The following HTR7 variants were observed in gnomAD, a reference collection of about 807,000 sequenced individuals.
The protein encoded by HTR7 is 5-hydroxytryptamine receptor 7.
Under a neutral mutation model 34.0 loss-of-function variants are expected in HTR7, and 16 were observed. The observed-to-expected ratio is 0.47, with a 90% CI of 0.32 to 0.71. HTR7 has a LOEUF of 0.71. HTR7 is among the 30% of genes least tolerant of loss of function. HTR7 has a pLI of 0.04. For synonymous variants in HTR7, 265 were observed against 260.2 expected, an observed-to-expected ratio of 1.02 and a Z score of -0.18; for missense variants, 504 against 625.5, an observed-to-expected ratio of 0.81 and a Z score of 2.07.
chr10:90,806,556 G>A (rs1034684055), intron 1 of HTR7, among the ~76,000 whole-genome samples: 9 of 151,988 alleles, frequency 5.9e-5, no homozygotes, highest in South Asian at 4.2e-4. Flanking sequence ...CCGAGATCAC[G>A]CCTCTGCACT....
chr10:90,807,690 T>C (rs987568281), intron 1 of HTR7, among the ~76,000 whole-genome samples: 1 of 152,246 alleles, frequency 6.6e-6, no homozygotes, highest in Non-Finnish European at 1.5e-5. Context: ...AAAGCTGTAT[T>C]GCTCACACAA....
At chr10:90,746,420 T>C (rs1844636353) in intron 2 of HTR7, among the ~76,000 whole-genome samples, 1 of 152,208 alleles carries the variant, frequency 6.6e-6, no homozygotes, top group Non-Finnish European at 1.5e-5. Context: ...GTTTCCTTGC[T>C]CATGACTTTA....
chr10:90,843,654 A>G (rs909624775), intron 1 of HTR7, among the ~76,000 whole-genome samples: 2 of 151,296 alleles, frequency 1.3e-5, no homozygotes, highest in Admixed American at 6.6e-5. Flanking sequence ...AGTTGGTGGT[A>G]GGTAGGAAGA....
intron 1 of HTR7, among the ~76,000 whole-genome samples, chr10:90,838,594 T>A (rs531796211): frequency 6.6e-6 from 1 of 152,360 alleles, no homozygotes; most frequent in Non-Finnish European, 1.5e-5. Context: ...TCTGCCGCAC[T>A]TAGAATAAAG....
intron 1 of HTR7, among the ~76,000 whole-genome samples, chr10:90,829,587 CACTGTT>C (rs1564696506): frequency 6.6e-6 from 1 of 152,186 alleles, no homozygotes; most frequent in East Asian, 1.9e-4. Context: ...CACTTTTTGC[CACTGTT>C]ATTCAACACA....
At chr10:90,814,787 TAGTTCCCCAGCA>T (rs1845873130) in intron 1 of HTR7, among the ~76,000 whole-genome samples, 1 of 152,222 alleles carries the variant, frequency 6.6e-6, no homozygotes. Flanking sequence ...GGGATTTTGC[TAGTTCCCCAGCA>T]TTAAAGGGCC....
chr10:90,823,548 G>A (rs893745015), intron 1 of HTR7, among the ~76,000 whole-genome samples: 1 of 152,190 alleles, frequency 6.6e-6, no homozygotes, highest in Non-Finnish European at 1.5e-5. Context: ...TGTTTCACAT[G>A]AGACTTTGGA....
intron 2 of HTR7, chr10:90,743,901 C>T (rs1234460332): frequency 2.9e-6 from 2 of 688,964 alleles, no homozygotes; most frequent in Non-Finnish European, 5.4e-6. Context: ...TTCATTACCC[C>T]AGGGAAAATT....
chr10:90,800,510 T>C (rs1037244037), intron 1 of HTR7, among the ~76,000 whole-genome samples: 2 of 133,100 alleles, frequency 1.5e-5, no homozygotes, highest in African/African-American at 2.8e-5. Context: ...TAGAAACTAG[T>C]CCTTTCAAAA....
chr10:90,789,065 C>T (rs1258690020), intron 1 of HTR7, among the ~76,000 whole-genome samples: 1 of 152,148 alleles, frequency 6.6e-6, no homozygotes, highest in African/African-American at 2.4e-5. Flanking sequence ...ATATTGTCAT[C>T]GTGCACCAAC....
At chr10:90,819,480 T>A in intron 1 of HTR7, among the ~76,000 whole-genome samples, 1 of 151,984 alleles carries the variant, frequency 6.6e-6, no homozygotes, top group Non-Finnish European at 1.5e-5. Flanking sequence ...GTTTCAAACC[T>A]TTTTTTTGAA....
intron 1 of HTR7, among the ~76,000 whole-genome samples, chr10:90,835,742 T>C (rs2120070137): frequency 6.6e-6 from 1 of 152,214 alleles, no homozygotes; most frequent in South Asian, 2.1e-4. Flanking sequence ...TTCAGCATGA[T>C]GAGAGTAGAG....
intron 1 of HTR7, among the ~76,000 whole-genome samples, chr10:90,804,888 G>C (rs1356128904): frequency 6.6e-6 from 1 of 152,074 alleles, no homozygotes; most frequent in Admixed American, 6.5e-5. Flanking sequence ...CAAAAGAAGG[G>C]GAGGAATTTC....
At chr10:90,774,089 A>AT (rs1845164751) in intron 1 of HTR7, among the ~76,000 whole-genome samples, 1 of 152,124 alleles carries the variant, frequency 6.6e-6, no homozygotes, top group African/African-American at 2.4e-5. Flanking sequence ...AATAAGCAAG[A>AT]TGGCAAACAT....
chr10:90,844,726 CAAAAAAAAAAAAAAAA>C (rs71025328), intron 1 of HTR7, among the ~76,000 whole-genome samples: 196 of 39,440 alleles, frequency 5.0e-3, no homozygotes, highest in South Asian at 0.021. Context: ...GACTCCGTCT[CAAAAAAAAAAAAAAAA>C]AAAAAAAAAA....
chr10:90,742,578 T>C, intron 3 of HTR7, 50 bp from the exon 4 acceptor site: 1 of 1,322,854 alleles, frequency 7.6e-7, no homozygotes, highest in Non-Finnish European at 1.1e-6. Flanking sequence ...GAACTGTAAA[T>C]GTGAGTTTTC....
At chr10:90,781,933 G>A (rs996341952) in intron 1 of HTR7, among the ~76,000 whole-genome samples, 4 of 152,190 alleles carry the variant, frequency 2.6e-5, no homozygotes, top group African/African-American at 9.7e-5. Context: ...TTTCTTCCTT[G>A]CTTTGGGCAC....
intron 1 of HTR7, among the ~76,000 whole-genome samples, chr10:90,840,807 T>G (rs1299685102): frequency 1.3e-5 from 2 of 152,210 alleles, no homozygotes; most frequent in African/African-American, 4.8e-5. Context: ...TAGTATTACC[T>G]ATGTCATAGA....
intron 1 of HTR7, among the ~76,000 whole-genome samples, chr10:90,855,525 C>A (rs1217489976): frequency 2.0e-5 from 3 of 152,178 alleles, no homozygotes; most frequent in African/African-American, 4.8e-5. Flanking sequence ...ACACTAAGTT[C>A]CATTTAAAAG....
Sources: allele counts gnomAD v4.1 joint callset (sites outside exome capture counted in the v4.1 genomes callset), GRCh38; gene constraint gnomAD v4.1.1; transcripts MANE v1.5; gene names NCBI Gene and HGNC (gene_info 2026-07-23, HGNC 2026-07-21).